ABL1: variants seen among roughly 807,000 people sequenced by gnomAD.
ABL1 encodes ABL proto-oncogene 1, non-receptor tyrosine kinase.
A neutral mutation model predicts 94.7 loss-of-function variants in ABL1; 11 were observed. That is an observed-to-expected ratio of 0.12 (90% confidence interval 0.07 to 0.19). The LOEUF is 0.19. Ranked by LOEUF, ABL1 falls within the 10% of genes least tolerant of loss-of-function variation. ABL1 has a pLI of 1.00. For missense variants in ABL1, 1,082 were observed against 1,489.4 expected, an observed-to-expected ratio of 0.73 and a Z score of 4.50; for synonymous variants, 656 against 622.4, an observed-to-expected ratio of 1.05 and a Z score of -0.80.
At chr9:130,715,898 T>C (rs1831431023) in intron 1 of ABL1, among the ~76,000 whole-genome samples, 1 of 152,030 alleles carries the variant, frequency 6.6e-6, no homozygotes, top group Non-Finnish European at 1.5e-5. Context: ...GTGTTGACGT[T>C]TGCAGTAATG....
intron 1 of ABL1, among the ~76,000 whole-genome samples, chr9:130,736,146 G>A (rs1831738831): frequency 1.3e-5 from 2 of 151,228 alleles, no homozygotes; most frequent in South Asian, 4.2e-4. Flanking sequence ...TGTAGAGATG[G>A]GGTTTTGCCA....
At chr9:130,854,487 A>T (rs940237149) in intron 2 of ABL1, among the ~76,000 whole-genome samples, 8 of 152,150 alleles carry the variant, frequency 5.3e-5, no homozygotes, top group African/African-American at 1.9e-4. Context: ...AAAATACTGA[A>T]CGCAATTTTT....
intron 1 of ABL1, among the ~76,000 whole-genome samples, chr9:130,719,391 TG>T (rs971493759): frequency 2.0e-5 from 3 of 151,934 alleles, no homozygotes; most frequent in Non-Finnish European, 4.4e-5. Flanking sequence ...TAGCTGGGCG[TG>T]GTTGCAGGTG....
At chr9:130,866,005 C>T (rs1157088485) in intron 4 of ABL1, among the ~76,000 whole-genome samples, 1 of 152,156 alleles carries the variant, frequency 6.6e-6, no homozygotes, top group African/African-American at 2.4e-5. Context: ...GAAATGCATA[C>T]TGGAACATTT....
chr9:130,769,266 T>A (rs944854802), intron 1 of ABL1, among the ~76,000 whole-genome samples: 1 of 151,998 alleles, frequency 6.6e-6, no homozygotes, highest in African/African-American at 2.4e-5. Context: ...TCAGTTGTTG[T>A]TTAACTTTTA....
chr9:130,733,861 G>C (rs34693091), intron 1 of ABL1, among the ~76,000 whole-genome samples: 1 of 151,576 alleles, frequency 6.6e-6, no homozygotes. Context: ...AAGTGCTGGG[G>C]TTACAGGTGT....
intron 1 of ABL1, among the ~76,000 whole-genome samples, chr9:130,822,854 G>C (rs1234055284): frequency 6.6e-6 from 1 of 151,760 alleles, no homozygotes; most frequent in African/African-American, 2.4e-5. Flanking sequence ...GTGGAGTACA[G>C]TGGCACGATC....
At chr9:130,830,238 T>C (rs762180603) in intron 1 of ABL1, among the ~76,000 whole-genome samples, 7 of 152,164 alleles carry the variant, frequency 4.6e-5, no homozygotes, top group Non-Finnish European at 7.4e-5. Flanking sequence ...GTAATGAGAT[T>C]TTCTAGAAAG....
intron 3 of ABL1, among the ~76,000 whole-genome samples, chr9:130,857,083 C>T (rs1279426963): frequency 6.6e-6 from 1 of 152,176 alleles, no homozygotes; most frequent in Middle Eastern, 3.2e-3. Context: ...GTATTTCATT[C>T]TGTTCTATTT....
chr9:130,765,428 C>T (rs1832170867), intron 1 of ABL1, among the ~76,000 whole-genome samples: 1 of 152,174 alleles, frequency 6.6e-6, no homozygotes, highest in Non-Finnish European at 1.5e-5. Context: ...TTCCCTAAGC[C>T]TCAAATGCTT....
chr9:130,869,521 G>A (rs899276458), intron 4 of ABL1, among the ~76,000 whole-genome samples: 1 of 152,156 alleles, frequency 6.6e-6, no homozygotes, highest in Admixed American at 6.5e-5. Context: ...TAACCGCTCC[G>A]CCGTACCGCC....
chr9:130,821,147 G>T (rs998208516), intron 1 of ABL1, among the ~76,000 whole-genome samples: 1 of 152,034 alleles, frequency 6.6e-6, no homozygotes, highest in African/African-American at 2.4e-5. Context: ...AGCCAGGATG[G>T]TCTCGATCTC....
intron 1 of ABL1, among the ~76,000 whole-genome samples, chr9:130,815,494 AC>A (rs1377162384): frequency 6.6e-6 from 1 of 152,016 alleles, no homozygotes; most frequent in African/African-American, 2.4e-5. Flanking sequence ...CAAACCCCGT[AC>A]CAGTCTTTCA....
chr9:130,881,888 C>CAA (rs1178368722), intron 10 of ABL1, among the ~76,000 whole-genome samples: 2 of 118,724 alleles, frequency 1.7e-5, no homozygotes, highest in African/African-American at 7.8e-5. Context: ...AAAAAAAAAA[C>CAA]AAAAAAAAAC....
intron 1 of ABL1, among the ~76,000 whole-genome samples, chr9:130,730,115 C>G (rs67431258): frequency 0.19 from 27,438 of 145,958 alleles, 3,267 homozygotes; most frequent in Middle Eastern, 0.38. Context: ...GCAATCTTAG[C>G]TGACCGCTAC....
chr9:130,730,731 C>T (rs1831653882), intron 1 of ABL1, among the ~76,000 whole-genome samples: 1 of 151,830 alleles, frequency 6.6e-6, no homozygotes, highest in Non-Finnish European at 1.5e-5. Flanking sequence ...GCCACCACTT[C>T]TGGTTAATTT....
In ABL1 at chr9:130,877,439, G is replaced by A. The variant is rs888095387; in HGVS notation, c.1271-976G>A. Among the ~76,000 whole-genome samples the A allele has an allele frequency of 3.4e-5, 5 of 148,114 alleles. No individual in the cohort carries two copies. In the South Asian group the frequency reaches 6.3e-4, roughly 19 times the overall value. On this transcript the variant is annotated intron_variant, in intron 7 of 10. Transcript: ENST00000318560. ...GTGCACCCAGAAAGCAGTGGTGGCC[G>A]GTTAGGCACAGAGCTGGTTGGTCAC...
chr9:130,812,861 G>A (rs1035545179), intron 1 of ABL1, among the ~76,000 whole-genome samples: 5 of 152,178 alleles, frequency 3.3e-5, no homozygotes, highest in African/African-American at 9.7e-5. Context: ...CAGAATACAC[G>A]TTCTTTTCAA....
intron 1 of ABL1, among the ~76,000 whole-genome samples, chr9:130,794,353 TAGCA>T (rs1206708718): frequency 6.6e-6 from 1 of 152,258 alleles, no homozygotes; most frequent in Admixed American, 6.5e-5. Flanking sequence ...TCCATAAAGT[TAGCA>T]GACTATGTCA....
Sources: allele counts gnomAD v4.1 joint callset (sites outside exome capture counted in the v4.1 genomes callset), GRCh38; gene constraint gnomAD v4.1.1; transcripts MANE v1.5; gene names NCBI Gene and HGNC (gene_info 2026-07-23, HGNC 2026-07-21).